The following MBNL1 variants were observed in gnomAD, a reference collection of about 807,000 sequenced individuals.
MBNL1 encodes the protein muscleblind-like protein 1.
MBNL1 carries 8 observed loss-of-function variants against 42.2 expected under a neutral mutation model. The observed-to-expected ratio is 0.19, with a 90% CI of 0.11 to 0.34. MBNL1 has a LOEUF of 0.34. MBNL1 is among the 10% of genes least tolerant of loss of function. The probability of loss-of-function intolerance (pLI) is 1.00; values close to 1 mark genes in which losing one functional copy is unlikely to be tolerated. For synonymous variants in MBNL1, 169 were observed against 173.9 expected, an observed-to-expected ratio of 0.97 and a Z score of 0.22; for missense variants, 309 against 495.3, an observed-to-expected ratio of 0.62 and a Z score of 3.57.
At chr3:152,286,972 C>A (rs951495122) in intron 1 of MBNL1, among the ~76,000 whole-genome samples, 4 of 152,074 alleles carry the variant, frequency 2.6e-5, no homozygotes, top group African/African-American at 9.7e-5. Flanking sequence ...GTAATCCCAG[C>A]ACTTTGGGAG....
At chr3:152,329,673 TTATA>T (rs927638336) in intron 2 of MBNL1, among the ~76,000 whole-genome samples, 4 of 120,114 alleles carry the variant, frequency 3.3e-5, no homozygotes, top group African/African-American at 3.2e-5. Context: ...ATATTTTATC[TTATA>T]TATATATATC....
At chr3:152,444,530 C>T (rs1169239176) in intron 4 of MBNL1, among the ~76,000 whole-genome samples, 4 of 152,064 alleles carry the variant, frequency 2.6e-5, no homozygotes, top group Admixed American at 6.6e-5. Context: ...TATATTTACA[C>T]GAAAGTTGCA....
chr3:152,460,118 G>A lies in MBNL1; in HGVS notation c.*18+773G>A, dbSNP rs929693666. Among the ~76,000 whole-genome samples the A allele has an allele frequency of 6.4e-4, 97 of 152,014 alleles. 1 individual carries two copies. Among genetic ancestry groups the A allele is most frequent in the African/African-American group, 2.3e-3 (94 of 41,462 alleles). On this transcript the variant is annotated intron_variant, in intron 9 of 9. Transcript: ENST00000324210. ...AAATACAAAAAAATCAGCTGGGTAT[G>A]GTAGCACACTCTGTAGTTCCAGCTA...
At position 152,446,626 on chromosome 3, in the gene MBNL1, C is replaced by T. The variant is rs1416030433; in HGVS notation, c.808-994C>T. 5.5e-6 allele frequency: 6 copies of T among 1,092,370 alleles called. 1 individual carries two copies. Among genetic ancestry groups the T allele is most frequent in the African/African-American group, 4.7e-5 (3 of 63,594 alleles). The allele number at this position is 1,092,370 out of a possible 1,614,324, so 67.7% of individuals were successfully genotyped here. A position where few individuals can be genotyped will look rare whatever the true frequency, so the allele number is the denominator to read the frequency against. On this transcript the variant is annotated intron_variant, in intron 5 of 9. Coordinates refer to ENST00000324210, the MANE Select transcript of MBNL1 (RefSeq NM_021038.5). ...ATGCACTGCTGCCCCCATGATGCAC[C>T]TCTGCTTGCTGTTTATGTTAATGCG...
intron 1 of MBNL1, chr3:152,269,691 C>T (rs555130778): frequency 8.5e-5 from 23 of 271,016 alleles, no homozygotes; most frequent in Non-Finnish European, 1.6e-4. Context: ...CGGAAGACGC[C>T]CTGTAGGAGA....
chr3:152,427,628 A>G (rs527894968), intron 3 of MBNL1, among the ~76,000 whole-genome samples: 1 of 152,262 alleles, frequency 6.6e-6, no homozygotes, highest in South Asian at 2.1e-4. Flanking sequence ...CACTGTTTAT[A>G]TTCAAAATAG....
intron 6 of MBNL1, among the ~76,000 whole-genome samples, chr3:152,451,711 C>T (rs1723351995): frequency 6.6e-6 from 1 of 152,182 alleles, no homozygotes; most frequent in Non-Finnish European, 1.5e-5. Flanking sequence ...CTACAATTCC[C>T]TATTGCCTTA....
intron 1 of MBNL1, among the ~76,000 whole-genome samples, chr3:152,296,393 C>T (rs1348945340): frequency 6.6e-6 from 1 of 152,042 alleles, no homozygotes; most frequent in Non-Finnish European, 1.5e-5. Flanking sequence ...GGAGGGAGAA[C>T]TGGGAGACCA....
At chr3:152,434,890 GTTGT>G (rs1261319861) in intron 4 of MBNL1, among the ~76,000 whole-genome samples, 5 of 152,066 alleles carry the variant, frequency 3.3e-5, no homozygotes, top group African/African-American at 1.2e-4. Flanking sequence ...TTGTAATAGG[GTTGT>G]TTGTTTTTTG....
At position 152,359,208 on chromosome 3, in the gene MBNL1, G is replaced by C. The variant is rs572818114; in HGVS notation, c.175-55733G>C. Among the ~76,000 whole-genome samples the C allele has an allele frequency of 1.4e-4, 21 of 152,260 alleles. No individual in the cohort carries two copies. The South Asian group carries it at 4.1e-3, about 30-fold the overall frequency. On this transcript the variant is annotated intron_variant, in intron 2 of 9. Transcript: ENST00000324210. ...TAGCAGAAGAAACTATATGTATTTT[G>C]ACCTAGTAAGTTTCAAGTCATTTGA... is the stretch of plus-strand genomic sequence containing the variant.
chr3:152,383,666 C>CAGCT (rs914513422), intron 2 of MBNL1, among the ~76,000 whole-genome samples: 1 of 152,058 alleles, frequency 6.6e-6, no homozygotes, highest in Admixed American at 6.6e-5. Context: ...ATCATCTGGG[C>CAGCT]AGCTGTGCGT....
chr3:152,255,469 T>C (rs979580488), intron 2 of MBNL1, among the ~76,000 whole-genome samples: 6 of 152,118 alleles, frequency 3.9e-5, no homozygotes, highest in Admixed American at 2.0e-4. Flanking sequence ...GGAAGTGGGT[T>C]ATGTGATGAG....
intron 4 of MBNL1, among the ~76,000 whole-genome samples, chr3:152,436,340 G>A (rs2099078016): frequency 6.6e-6 from 1 of 152,316 alleles, no homozygotes; most frequent in African/African-American, 2.4e-5. Context: ...GAGAAGAGAT[G>A]TGAAGCAACT....
At chr3:152,256,071 T>C (rs2035407929) in intron 2 of MBNL1, among the ~76,000 whole-genome samples, 1 of 152,120 alleles carries the variant, frequency 6.6e-6, no homozygotes, top group Non-Finnish European at 1.5e-5. Context: ...CGTGTCTTAA[T>C]TGGGGATGGG....
At chr3:152,412,180 C>T (rs1003730410) in intron 2 of MBNL1, among the ~76,000 whole-genome samples, 1 of 152,182 alleles carries the variant, frequency 6.6e-6, no homozygotes, top group Non-Finnish European at 1.5e-5. Context: ...CTTTGTCAAA[C>T]TATAATCATT....
chr3:152,408,700 C>G (rs904549070), intron 2 of MBNL1, among the ~76,000 whole-genome samples: 1 of 151,694 alleles, frequency 6.6e-6, no homozygotes, highest in Admixed American at 6.6e-5. Context: ...ATACAGCCCC[C>G]CACTAAATTC....
intron 2 of MBNL1, among the ~76,000 whole-genome samples, chr3:152,371,085 CATA>C (rs1157738429): frequency 6.6e-6 from 1 of 152,170 alleles, no homozygotes; most frequent in Non-Finnish European, 1.5e-5. Flanking sequence ...GCAGATTCTT[CATA>C]ATGTCAATGG....
At chr3:152,454,600 C>T (rs566708112) in intron 6 of MBNL1, among the ~76,000 whole-genome samples, 106 of 152,280 alleles carry the variant, frequency 7.0e-4, no homozygotes, top group Non-Finnish European at 1.8e-4. Context: ...TCTATATATG[C>T]AACATTTATT....
At chr3:152,277,371 G>A (rs1207561875) in intron 1 of MBNL1, among the ~76,000 whole-genome samples, 1 of 152,142 alleles carries the variant, frequency 6.6e-6, no homozygotes, top group East Asian at 1.9e-4. Context: ...GAATGCCTGT[G>A]TAACCTATCC....
Sources: allele counts gnomAD v4.1 joint callset (sites outside exome capture counted in the v4.1 genomes callset), GRCh38; gene constraint gnomAD v4.1.1; transcripts MANE v1.5; gene names NCBI Gene and HGNC (gene_info 2026-07-23, HGNC 2026-07-21).